Variants in USP49 observed in about 807,000 individuals in gnomAD.
USP49 encodes the protein ubiquitin carboxyl-terminal hydrolase 49.
Under a neutral mutation model 58.6 loss-of-function variants are expected in USP49, and 24 were observed. The observed-to-expected ratio is 0.41, with a 90% confidence interval of 0.30 to 0.58. The LOEUF is 0.58. USP49 is among the 20% of genes least tolerant of loss of function. The pLI, the probability that USP49 is intolerant of heterozygous loss-of-function variation, is 0.30. For missense variants in USP49, 703 were observed against 866.1 expected (o/e 0.81, Z 2.36); for synonymous variants, 408 against 365.1 (o/e 1.12, Z -1.34).
chr6:41,834,730 T>C (rs529755212), intron 3 of USP49, among the ~76,000 whole-genome samples: 229 of 152,350 alleles, frequency 1.5e-3, no homozygotes, highest in African/African-American at 5.4e-3. Context: ...TGTAGTTTCC[T>C]GAGGCCTCCC....
chr6:41,804,725 C>T (rs2127322285), intron 4 of USP49, among the ~76,000 whole-genome samples: 1 of 152,156 alleles, frequency 6.6e-6, no homozygotes, highest in Admixed American at 6.5e-5. Flanking sequence ...GCTCACCAAC[C>T]CACCCCCCAC....
intron 3 of USP49, among the ~76,000 whole-genome samples, chr6:41,843,641 C>T (rs1397385670): frequency 6.6e-6 from 1 of 152,142 alleles, no homozygotes; most frequent in African/African-American, 2.4e-5. Flanking sequence ...AGTGCTGTGG[C>T]TCACACCTGT....
chr6:41,797,854 G>A (rs1256817430), intron 7 of USP49: 21 of 962,138 alleles, frequency 2.2e-5, no homozygotes, highest in Non-Finnish European at 2.6e-5. Context: ...AGTACTATGT[G>A]GTAGGCAACT....
intron 2 of USP49, among the ~76,000 whole-genome samples, chr6:41,891,253 C>G (rs1774806126): frequency 6.6e-6 from 1 of 152,180 alleles, no homozygotes; most frequent in South Asian, 2.1e-4. Context: ...GAATCCCATC[C>G]CACCACTTGG....
chr6:41,890,502 C>T (rs1414989894), intron 2 of USP49, among the ~76,000 whole-genome samples: 3 of 151,934 alleles, frequency 2.0e-5, no homozygotes, highest in Non-Finnish European at 4.4e-5. Flanking sequence ...TTTTTGAGCC[C>T]AGGAGTTCGA....
chr6:41,809,554 C>T (rs139000111), intron 3 of USP49, among the ~76,000 whole-genome samples: 264 of 149,746 alleles, frequency 1.8e-3, no homozygotes, highest in African/African-American at 6.2e-3. Flanking sequence ...AGGCCGGGTA[C>T]GGTGGCTCAC....
intron 3 of USP49, among the ~76,000 whole-genome samples, chr6:41,859,658 G>A (rs1005505710): frequency 6.6e-6 from 1 of 152,094 alleles, no homozygotes; most frequent in African/African-American, 2.4e-5. Context: ...CTACTTCAGT[G>A]TCCTCTTTGG....
At chr6:41,835,424 G>A (rs1773707128) in intron 3 of USP49, among the ~76,000 whole-genome samples, 2 of 152,066 alleles carry the variant, frequency 1.3e-5, no homozygotes, top group African/African-American at 4.8e-5. Context: ...TTAAGAACTG[G>A]AAAATCTGGC....
chr6:41,865,172 G>A (rs1380434514), intron 3 of USP49, among the ~76,000 whole-genome samples: 1 of 152,008 alleles, frequency 6.6e-6, no homozygotes, highest in African/African-American at 2.4e-5. Context: ...AGTCTCCCGA[G>A]TAGCTAGGAT....
chr6:41,888,284 G>T (rs1774751436), intron 2 of USP49, among the ~76,000 whole-genome samples: 1 of 151,658 alleles, frequency 6.6e-6, no homozygotes, highest in Non-Finnish European at 1.5e-5. Flanking sequence ...CGAACTCCTG[G>T]CCTCAAGTGA....
chr6:41,803,760 C>A lies in USP49; in HGVS notation c.1561+46G>T. 1.3e-6 allele frequency: 2 copies of A among 1,599,364 alleles called. No individual in the cohort carries two copies. The highest frequency in any genetic ancestry group is 1.7e-6 in the Non-Finnish European group (2 of 1,167,468). ...CAAAGCAGCACCTTAAACTGATATTCCAATTATTCTTCCCCACTACGCCCC... is the reference window on the plus strand; with the variant it reads ...CAAAGCAGCACCTTAAACTGATATTACAATTATTCTTCCCCACTACGCCCC... On this transcript the variant is annotated intron_variant, in intron 5 of 7. Coordinates refer to ENST00000682992, the MANE Select transcript of USP49 (RefSeq NM_001286554.2). This position sits in a 1 kb window ranked among gnomAD's most constrained non-coding sequence, Gnocchi z 4.1.
At chr6:41,885,522 T>A (rs1393847153) in intron 2 of USP49, among the ~76,000 whole-genome samples, 1 of 152,088 alleles carries the variant, frequency 6.6e-6, no homozygotes, top group Non-Finnish European at 1.5e-5. Flanking sequence ...CGCACAATCA[T>A]ACCTCACTGT....
At chr6:41,802,290 G>T (rs952097297) in intron 5 of USP49, among the ~76,000 whole-genome samples, 1 of 151,606 alleles carries the variant, frequency 6.6e-6, no homozygotes, top group African/African-American at 2.4e-5. Context: ...CCAAAGTGTT[G>T]GGATTACAGG....
chr6:41,806,073 G>T lies in USP49; in HGVS notation c.911C>A (p.Ser304Tyr), dbSNP rs761894203. 6.2e-7 allele frequency: 1 copy of T among 1,614,080 alleles called. No individual in the cohort carries two copies. Among genetic ancestry groups the T allele is most frequent in the Non-Finnish European group, 8.5e-7 (1 of 1,180,046 alleles). ...PKATNGKTQL[S>Y]GKPTNSSATE... ...GGCCGAGCTGTTGGTTGGCTTGCCA[G>T]AAAGCTGAGTCTTCCCGTTGGTGGC... is the stretch of plus-strand genomic sequence containing the variant. The change falls in exon 4 of 8, where the codon TCT (serine) becomes TAT (tyrosine). Residue 304 changes from serine (S) to tyrosine (Y), a missense_variant. Around this residue, in one of 6 missense-constraint regions of USP49, gnomAD observed 97 missense variants for 88.0 expected, o/e 1.10. Coordinates refer to ENST00000682992, the MANE Select transcript of USP49 (RefSeq NM_001286554.2). The surrounding 1 kb of genome is among the most constrained non-coding windows in gnomAD (Gnocchi z 5.9).
intron 1 of USP49, 68 bp from the exon 2 acceptor site, chr6:41,891,943 C>T (rs995151401): frequency 2.0e-5 from 3 of 152,070 alleles, no homozygotes; most frequent in African/African-American, 7.2e-5. Context: ...AACTTAAAAG[C>T]TTTTGCTTAG....
chr6:41,801,151 T>G (rs1581989257), intron 5 of USP49, among the ~76,000 whole-genome samples: 2 of 152,380 alleles, frequency 1.3e-5, no homozygotes, highest in East Asian at 3.9e-4. Context: ...TAGAGTTCTC[T>G]TAGTTTCTAT....
At chr6:41,884,404 T>A (rs1185715374) in intron 2 of USP49, among the ~76,000 whole-genome samples, 2 of 152,228 alleles carry the variant, frequency 1.3e-5, no homozygotes, top group Non-Finnish European at 2.9e-5. Context: ...ACAAGGAGAA[T>A]TCTATAGCCA....
At chr6:41,850,275 T>A (rs1774003263) in intron 3 of USP49, among the ~76,000 whole-genome samples, 2 of 151,738 alleles carry the variant, frequency 1.3e-5, no homozygotes, top group Non-Finnish European at 1.5e-5. Context: ...AAACCCCATC[T>A]CTACTAAAAA....
chr6:41,815,085 G>A (rs536023217), intron 3 of USP49, among the ~76,000 whole-genome samples: 70 of 152,006 alleles, frequency 4.6e-4, no homozygotes, highest in Non-Finnish European at 9.3e-4. Context: ...TCAATATATA[G>A]TTAAGAAAAA....
Sources: gnomAD v4.1 joint callset for allele counts (sites outside exome capture counted in the v4.1 genomes callset) on GRCh38, gnomAD v4.1.1 for gene constraint, gnomAD v4.1.1 regional missense constraint, Gnocchi (gnomAD v3.1) non-coding constraint, MANE v1.5 for transcripts, NCBI Gene and HGNC (gene_info 2026-07-23, HGNC 2026-07-21) for gene names.